SATB2: variants seen among roughly 807,000 people sequenced by gnomAD.
The protein encoded by SATB2 is DNA-binding protein SATB2.
In SATB2, 1 loss-of-function variant was observed where a neutral mutation model predicts 73.4. The ratio of observed to expected loss-of-function variants is 0.01; its 90% confidence interval spans 0.00 to 0.06. SATB2 has a LOEUF of 0.06. Among genes scored for constraint, SATB2 ranks in the 10% least tolerant of loss-of-function variants. The pLI, the probability that SATB2 is intolerant of heterozygous loss-of-function variation, is 1.00. For missense variants in SATB2, 459 were observed against 945.8 expected, an observed-to-expected ratio of 0.49 and a Z score of 6.75; for synonymous variants, 397 against 367.0, an observed-to-expected ratio of 1.08 and a Z score of -0.93.
chr2:199,381,234 G>C (rs1381050805), intron 4 of SATB2, among the ~76,000 whole-genome samples: 1 of 152,004 alleles, frequency 6.6e-6, no homozygotes, highest in Non-Finnish European at 1.5e-5. Flanking sequence ...TGTGGCCCTT[G>C]GAAAGGGAAG....
chr2:199,453,908 A>T (rs1692200642), intron 2 of SATB2, among the ~76,000 whole-genome samples: 1 of 152,068 alleles, frequency 6.6e-6, no homozygotes, highest in African/African-American at 2.4e-5. Context: ...AAATAATGTC[A>T]TCTTTATTTT....
Position 199,464,773 on chromosome 2 carries a change from C to T in SATB2, c.-141+63G>A, listed in dbSNP as rs948268095. 6.6e-6 allele frequency: 1 copy of T among 152,340 alleles called. No homozygotes were observed. The highest frequency in any genetic ancestry group is 2.4e-5 in the African/African-American group (1 of 41,474). The allele number at this position is 152,340 out of a possible 1,614,324, so 9.4% of individuals were successfully genotyped here. ...CCAAAGTGTGATGCCCGGTGTCCTA[C>T]CCTAGGCCACGCGGAGCTCTCTCCC... On this transcript the variant is annotated intron_variant, in intron 1 of 11. Transcript: ENST00000260926. The surrounding 1 kb of genome is among the most constrained non-coding windows in gnomAD (Gnocchi z 6.6).
intron 3 of SATB2, among the ~76,000 whole-genome samples, chr2:199,430,085 T>C (rs932518369): frequency 6.6e-6 from 1 of 152,148 alleles, no homozygotes; most frequent in East Asian, 1.9e-4. Context: ...ACTGCCAATA[T>C]GAATGAATAG....
rs1027760492 is a variant in SATB2, at chr2:199,429,942, T to C, written c.346+3396A>G. Among the ~76,000 whole-genome samples, 8 of 152,254 alleles carry C rather than the reference T, an allele frequency of 5.3e-5. No individual in the cohort carries two copies. In the East Asian group the frequency reaches 7.7e-4, roughly 15 times the overall value. ...ATTAATTAATTAAATTAATCAACAG[T>C]CAATTTTAAAATTTATTTTAAAATT... is the stretch of plus-strand genomic sequence containing the variant. On this transcript the variant is annotated intron_variant, in intron 3 of 10. Transcript: ENST00000417098.
chr2:199,384,296 G>A (rs1689864593), intron 3 of SATB2, among the ~76,000 whole-genome samples: 1 of 152,210 alleles, frequency 6.6e-6, no homozygotes, highest in East Asian at 1.9e-4. Context: ...CCCAGGCAAT[G>A]GGAAGTGTGT....
At chr2:199,279,204 C>T (rs1427923386) in intron 10 of SATB2, among the ~76,000 whole-genome samples, 1 of 152,166 alleles carries the variant, frequency 6.6e-6, no homozygotes, top group Admixed American at 6.5e-5. Flanking sequence ...ACCCAAAGTT[C>T]CTTGCCCAGT....
At chr2:199,366,643 GAC>G (rs1489834806) in intron 6 of SATB2, among the ~76,000 whole-genome samples, 2 of 149,410 alleles carry the variant, frequency 1.3e-5, no homozygotes, top group South Asian at 2.1e-4. Context: ...CACACACACA[GAC>G]ACACACACAC....
At chr2:199,304,329 C>T (rs1242624992) in intron 10 of SATB2, among the ~76,000 whole-genome samples, 5 of 152,224 alleles carry the variant, frequency 3.3e-5, no homozygotes, top group South Asian at 2.1e-4. Flanking sequence ...TCCAACCTTT[C>T]GGGGTGAAAA....
In SATB2 at chr2:199,457,493, G is replaced by GT. The variant is rs1437971928; in HGVS notation, c.-215dup. 2 of 150,656 alleles carry GT rather than the reference G, an allele frequency of 1.3e-5. No individual in the cohort carries two copies. The highest frequency in any genetic ancestry group is 2.9e-5 in the Non-Finnish European group (2 of 67,848). 9.3% of individuals were successfully genotyped at this position (150,656 alleles called of 1,614,324 possible). A position where few individuals can be genotyped will look rare whatever the true frequency, so the allele number is the denominator to read the frequency against. Reference sequence around the variant, plus strand: ...CCTTCCCTCTTCCCCAGGTCCTAATGTTTAAGGTCCTGGGTCAGGGTGTCT... The same window carrying GT: ...CCTTCCCTCTTCCCCAGGTCCTAATGTTTTAAGGTCCTGGGTCAGGGTGTCT... On this transcript the variant is annotated 5_prime_UTR_variant, in exon 1 of 11. Transcript: ENST00000417098. The surrounding 1 kb of genome is among the most constrained non-coding windows in gnomAD (Gnocchi z 4.8).
At chr2:199,363,712 T>C (rs1689203642) in intron 6 of SATB2, among the ~76,000 whole-genome samples, 1 of 152,228 alleles carries the variant, frequency 6.6e-6, no homozygotes, top group African/African-American at 2.4e-5. Flanking sequence ...TCATTTCACG[T>C]TGTATTAAAA....
At chr2:199,441,519 T>G (rs779216765) in intron 2 of SATB2, among the ~76,000 whole-genome samples, 2 of 152,168 alleles carry the variant, frequency 1.3e-5, no homozygotes, top group Non-Finnish European at 2.9e-5. Context: ...TATCAAGAAA[T>G]AGCTTATTCT....
intron 2 of SATB2, among the ~76,000 whole-genome samples, chr2:199,443,738 T>C (rs1415550049): frequency 6.6e-6 from 1 of 152,040 alleles, no homozygotes; most frequent in Non-Finnish European, 1.5e-5. Context: ...TAAAAGCCAC[T>C]CTCATTCTTA....
intron 7 of SATB2, among the ~76,000 whole-genome samples, chr2:199,338,947 A>G (rs191276849): frequency 1.3e-5 from 2 of 151,784 alleles, no homozygotes; most frequent in Admixed American, 1.3e-4. Context: ...GAAAGAAAGA[A>G]CAAGACAGAC....
At position 199,320,114 on chromosome 2, in the gene SATB2, G is replaced by C. The variant is rs1687844723; in HGVS notation, c.1542+3689C>G. ...TTAGCAGAAGCTTTTGAGGAACAAG[G>C]CATTCCTGTGGCCACGCAGACAGAA... On this transcript the variant is annotated intron_variant, in intron 9 of 10. Coordinates refer to ENST00000417098, the MANE Select transcript of SATB2 (RefSeq NM_001172509.2). Among the ~76,000 whole-genome samples the C allele has an allele frequency of 2.6e-5, 4 of 152,118 alleles. 1 individual carries two copies. The South Asian group carries it at 8.3e-4, about 31-fold the overall frequency.
At chr2:199,393,440 G>C (rs899639536) in intron 3 of SATB2, among the ~76,000 whole-genome samples, 3 of 152,084 alleles carry the variant, frequency 2.0e-5, no homozygotes, top group African/African-American at 7.3e-5. Flanking sequence ...GGATATCCAG[G>C]AAGACTAGCC....
At chr2:199,293,064 TG>T (rs1228793820) in intron 10 of SATB2, among the ~76,000 whole-genome samples, 1 of 152,210 alleles carries the variant, frequency 6.6e-6, no homozygotes, top group Non-Finnish European at 1.5e-5. Flanking sequence ...ATACCACATT[TG>T]ATCAGAAAGG....
At chr2:199,399,517 T>C (rs1292870470) in intron 3 of SATB2, among the ~76,000 whole-genome samples, 1 of 152,182 alleles carries the variant, frequency 6.6e-6, no homozygotes, top group Non-Finnish European at 1.5e-5. Flanking sequence ...TATGTATTAG[T>C]CTGTCCTCAC....
chr2:199,403,510 G>A (rs760239226), intron 3 of SATB2, among the ~76,000 whole-genome samples: 3 of 152,020 alleles, frequency 2.0e-5, no homozygotes, highest in South Asian at 2.1e-4. Context: ...TAACACCAAG[G>A]GGGAATTTTA....
At chr2:199,439,549 A>C (rs922594634) in intron 2 of SATB2, among the ~76,000 whole-genome samples, 2 of 152,240 alleles carry the variant, frequency 1.3e-5, no homozygotes, top group African/African-American at 4.8e-5. Flanking sequence ...ATACTGAAAC[A>C]AACTTTACCA....
Sources: allele counts gnomAD v4.1 joint callset (sites outside exome capture counted in the v4.1 genomes callset), GRCh38; gene constraint gnomAD v4.1.1; non-coding constraint Gnocchi (gnomAD v3.1); transcripts MANE v1.5; gene names NCBI Gene and HGNC (gene_info 2026-07-23, HGNC 2026-07-21).